Variants in UBAP2 observed in about 807,000 individuals in gnomAD.
UBAP2 encodes the protein ubiquitin-associated protein 2.
A neutral mutation model predicts 139.6 loss-of-function variants in UBAP2; 75 were observed. That is an observed-to-expected ratio of 0.54 (90% CI 0.45 to 0.65). The LOEUF (loss-of-function observed/expected upper bound fraction) is 0.65. Among genes scored for constraint, UBAP2 ranks in the 30% least tolerant of loss-of-function variants. The pLI is 0.00. For missense variants in UBAP2, 1,368 were observed against 1,369.6 expected, an observed-to-expected ratio of 1.00 and a Z score of 0.02; for synonymous variants, 526 against 526.2, an observed-to-expected ratio of 1.00 and a Z score of 0.01.
At chr9:34,031,763 C>A (rs1472930571) in intron 1 of UBAP2, among the ~76,000 whole-genome samples, 4 of 137,794 alleles carry the variant, frequency 2.9e-5, no homozygotes, top group Admixed American at 7.6e-5. Context: ...CTGGCCTGGG[C>A]AACACAGCAA....
chr9:33,956,286 G>T, intron 10 of UBAP2, 140 bp from the exon 11 acceptor site: 1 of 534,876 alleles, frequency 1.9e-6, no homozygotes, highest in Non-Finnish European at 3.3e-6. Context: ...ATATACAAGT[G>T]ACCATGACAA....
At chr9:33,977,279 C>T (rs1310787125) in intron 6 of UBAP2, among the ~76,000 whole-genome samples, 6 of 151,888 alleles carry the variant, frequency 4.0e-5, no homozygotes, top group East Asian at 2.0e-4. Flanking sequence ...CCTCGTGATC[C>T]GCCCGCCTTA....
intron 2 of UBAP2, among the ~76,000 whole-genome samples, chr9:34,015,687 G>A (rs1824188101): frequency 6.6e-6 from 1 of 151,930 alleles, no homozygotes; most frequent in Non-Finnish European, 1.5e-5. Context: ...CTTGTGCTTT[G>A]AAGAAAAGGC....
intron 1 of UBAP2, among the ~76,000 whole-genome samples, chr9:34,046,940 ATTG>A (rs1349225607): frequency 2.0e-5 from 3 of 152,136 alleles, no homozygotes; most frequent in African/African-American, 7.2e-5. Flanking sequence ...CAGAGGTGTT[ATTG>A]TTGTTCCAAT....
At chr9:34,045,013 A>C (rs1827444452) in intron 1 of UBAP2, among the ~76,000 whole-genome samples, 2 of 152,096 alleles carry the variant, frequency 1.3e-5, no homozygotes, top group Non-Finnish European at 2.9e-5. Context: ...CATGAAAATT[A>C]GTTATCAAAA....
At chr9:33,933,350 A>G in intron 18 of UBAP2, 140 bp downstream of exon 18, 1 of 1,026,234 alleles carries the variant, frequency 9.7e-7, no homozygotes, top group Non-Finnish European at 1.4e-6. Flanking sequence ...GCCAAAACCT[A>G]AGCTACAGTC....
chr9:34,037,820 T>C (rs1826572652), intron 1 of UBAP2, among the ~76,000 whole-genome samples: 1 of 151,804 alleles, frequency 6.6e-6, no homozygotes, highest in African/African-American at 2.4e-5. Context: ...AATACTTCAG[T>C]GACAATATGT....
chr9:33,998,851 T>C lies in UBAP2; in HGVS notation c.113A>G (p.Gln38Arg). ...AAAGATCACTTGAGCGAGACGCATC[T>C]GTTCAGCTGTTGCCTGGAAAGTACA... is the stretch of plus-strand genomic sequence containing the variant. ...QKQVVQATAE[Q>R]MRLAQVIFDK... Residue 38 changes from glutamine (Q) to arginine (R), a missense_variant, in exon 3 of 29, where the codon CAG becomes CGG. Transcript: ENST00000379238. The C allele has an allele frequency of 6.2e-7, 1 of 1,610,894 alleles. No homozygotes were observed. Among genetic ancestry groups the C allele is most frequent in the South Asian group, 1.1e-5 (1 of 90,830 alleles).
Position 33,922,825 on chromosome 9 carries a change from G to A in UBAP2, c.3126C>T (p.Pro1042=), listed in dbSNP as rs561316385. The change falls in exon 28 of 29, where the codon CCC becomes CCT. Residue 1042 remains proline (P), a synonymous_variant. Coordinates refer to ENST00000379238, the MANE Select transcript of UBAP2 (RefSeq NM_001370062.2). The part of the protein sequence containing the change: ...HAGTPPPFSL[P]SVLGSTGPLA... ...GGGGCCCAGTGGAGCCCAAGACCGA[G>A]GGCAGGCTGAAAGGTGGAGGCGTCC... The A allele has an allele frequency of 6.2e-5, 98 of 1,575,274 alleles. No individual in the cohort carries two copies. In the South Asian group the frequency reaches 1.1e-3, roughly 18 times the overall value.
At chr9:34,047,978 G>A (rs1030714204) in intron 1 of UBAP2, among the ~76,000 whole-genome samples, 24 of 152,122 alleles carry the variant, frequency 1.6e-4, no homozygotes, top group Non-Finnish European at 3.2e-4. Flanking sequence ...CATCAAACAG[G>A]AAATAACAGT....
chr9:34,024,391 G>GT (rs1403083756), intron 1 of UBAP2, among the ~76,000 whole-genome samples: 9 of 151,686 alleles, frequency 5.9e-5, no homozygotes, highest in African/African-American at 2.2e-4. Flanking sequence ...AAAAATAATT[G>GT]TAAGGGCCTC....
At chr9:33,936,438 C>G (rs1055971224) in intron 16 of UBAP2, among the ~76,000 whole-genome samples, 17 of 151,666 alleles carry the variant, frequency 1.1e-4, no homozygotes, top group African/African-American at 3.6e-4. Flanking sequence ...GGATTACAGG[C>G]GCGCACCACT....
At chr9:34,047,337 T>A (rs540581209) in intron 1 of UBAP2, among the ~76,000 whole-genome samples, 2 of 152,204 alleles carry the variant, frequency 1.3e-5, no homozygotes, top group South Asian at 4.1e-4. Context: ...TTCAAAGCAA[T>A]GGAAGGACAA....
intron 10 of UBAP2, among the ~76,000 whole-genome samples, chr9:33,958,539 T>C (rs1411274966): frequency 1.3e-5 from 2 of 151,340 alleles, no homozygotes; most frequent in East Asian, 2.0e-4. Context: ...TCCCAAGTAA[T>C]TGGAATTACA....
chr9:34,023,114 T>C (rs1825105258), intron 1 of UBAP2, among the ~76,000 whole-genome samples: 1 of 151,352 alleles, frequency 6.6e-6, no homozygotes, highest in Non-Finnish European at 1.5e-5. Flanking sequence ...TAGTCCCAGC[T>C]ACTCGGGAGG....
At chr9:34,047,448 A>G (rs1827707670) in intron 1 of UBAP2, among the ~76,000 whole-genome samples, 1 of 151,952 alleles carries the variant, frequency 6.6e-6, no homozygotes, top group African/African-American at 2.4e-5. Context: ...GAACACACCA[A>G]TGTAGGATAC....
At chr9:33,979,771 G>A (rs939779723) in intron 6 of UBAP2, among the ~76,000 whole-genome samples, 1 of 151,954 alleles carries the variant, frequency 6.6e-6, no homozygotes, top group Non-Finnish European at 1.5e-5. Flanking sequence ...GGGAGGCTGA[G>A]GCAGGAGAAT....
intron 6 of UBAP2, among the ~76,000 whole-genome samples, 180 bp downstream of exon 6, chr9:33,986,580 C>T (rs1821235208): frequency 6.6e-6 from 1 of 152,140 alleles, no homozygotes; most frequent in Non-Finnish European, 1.5e-5. Context: ...CCTTTGGTTT[C>T]TTCAAAACTA....
intron 3 of UBAP2, chr9:33,996,794 C>G (rs1044820988): frequency 6.3e-6 from 1 of 157,502 alleles, no homozygotes; most frequent in African/African-American, 2.4e-5. Flanking sequence ...TGGATTAGAA[C>G]ACTTCAAAGG....
Sources: gnomAD v4.1 joint callset for allele counts (sites outside exome capture counted in the v4.1 genomes callset) on GRCh38, gnomAD v4.1.1 for gene constraint, MANE v1.5 for transcripts, NCBI Gene and HGNC (gene_info 2026-07-23, HGNC 2026-07-21) for gene names.